The following APC variants were observed in gnomAD, a reference collection of about 807,000 sequenced individuals.
The protein encoded by APC is adenomatous polyposis coli protein.
Under a neutral mutation model 247.0 loss-of-function variants are expected in APC, and 72 were observed. The ratio of observed to expected loss-of-function variants is 0.29; its 90% CI spans 0.24 to 0.35. The LOEUF (loss-of-function observed/expected upper bound fraction) is 0.35, where lower values mean the gene tolerates loss of function less well. Ranked by LOEUF, APC falls within the 10% of genes least tolerant of loss-of-function variation. The pLI is 1.00. For synonymous variants in APC, 1,254 were observed against 1,162.5 expected, an observed-to-expected ratio of 1.08 and a Z score of -1.60; for missense variants, 3,400 against 3,360.7, an observed-to-expected ratio of 1.01 and a Z score of -0.29.
chr5:112,844,729 T>A lies in APC; in HGVS notation c.*603T>A, dbSNP rs1371979970. 1 of 231,928 alleles carries A rather than the reference T, an allele frequency of 4.3e-6. No individual in the cohort carries two copies. Among genetic ancestry groups the A allele is most frequent in the East Asian group, 6.1e-5 (1 of 16,318 alleles). The allele number at this position is 231,928 out of a possible 1,614,324, so 14.4% of individuals were successfully genotyped here. A position where few individuals can be genotyped will look rare whatever the true frequency, so the allele number is the denominator to read the frequency against. On this transcript the variant is annotated 3_prime_UTR_variant, in exon 16 of 16. Coordinates refer to ENST00000257430, the MANE Select transcript of APC (RefSeq NM_000038.6). ...GTCACATGATGTGCATAGAGATAGC[T>A]ACAGTGTAATAATTTACACTATTTT...
chr5:112,745,272 A>G (rs933574600), intron 1 of APC, among the ~76,000 whole-genome samples: 11 of 152,068 alleles, frequency 7.2e-5, no homozygotes, highest in East Asian at 1.9e-4. Flanking sequence ...CTAATAAGCA[A>G]TGTATCAATG....
Position 112,838,252 on chromosome 5 carries a change from G to A in APC, c.2658G>A (p.Gln886=), listed in dbSNP as rs587780593. 3.1e-6 allele frequency: 5 copies of A among 1,614,086 alleles called. No individual in the cohort carries two copies. Among genetic ancestry groups the A allele is most frequent in the South Asian group, 1.1e-5 (1 of 91,092 alleles). The change falls in exon 16 of 16, where the codon CAG becomes CAA. Residue 886 remains glutamine, a synonymous_variant. Transcript: ENST00000257430. The part of the protein sequence containing the change: ...RGLQISTTAA[Q]IAKVMEEVSA... The stretch of plus-strand genomic sequence containing the variant: ...TGCAGATCTCCACCACTGCAGCCCA[G>A]ATTGCCAAAGTCATGGAAGAAGTGT...
chr5:112,783,630 C>CAAAAAAAAAAA (rs563801773), intron 6 of APC: 1 of 80,328 alleles, frequency 1.2e-5, no homozygotes, highest in Non-Finnish European at 2.5e-5. Context: ...CTGCCTCTAC[C>CAAAAAAAAAAA]AAAAAAAAAA....
chr5:112,840,754 A>G lies in APC; in HGVS notation c.5160A>G (p.Glu1720=), dbSNP rs1580656897. 1 of 1,614,108 alleles carries G rather than the reference A, an allele frequency of 6.2e-7. No homozygotes were observed. The change falls in exon 16 of 16, where the codon GAA becomes GAG. Residue 1720 remains glutamate, a synonymous_variant. Transcript: ENST00000257430. The surrounding 1 kb of genome is among the most constrained non-coding windows in gnomAD (Gnocchi z 4.1). ...AATTGGATGACAATAAAGCAGAGGAAGGTGATATTCTTGCAGAATGCATTA... is the reference window on the plus strand; with the variant it reads ...AATTGGATGACAATAAAGCAGAGGAGGGTGATATTCTTGCAGAATGCATTA... ...IPELDDNKAE[E]GDILAECINS...
chr5:112,728,823 A>G (rs1271375423), intron 1 of APC, among the ~76,000 whole-genome samples: 1 of 152,206 alleles, frequency 6.6e-6, no homozygotes, highest in Non-Finnish European at 1.5e-5. Flanking sequence ...AGCCAGAACT[A>G]GAAACTGGTC....
intron 9 of APC, among the ~76,000 whole-genome samples, chr5:112,817,113 G>A (rs777985283): frequency 2.6e-5 from 4 of 151,962 alleles, no homozygotes; most frequent in Admixed American, 6.6e-5. Flanking sequence ...CAGGTGATGC[G>A]CTCATCTCTG....
At chr5:112,713,251 T>A (rs1037605684) in intron 1 of APC, among the ~76,000 whole-genome samples, 1 of 152,152 alleles carries the variant, frequency 6.6e-6, no homozygotes, top group Non-Finnish European at 1.5e-5. Context: ...GTGCTATGAT[T>A]TCATCAAGGA....
chr5:112,737,993 C>T, intron 1 of APC, 68 bp downstream of exon 1: 1 of 935,600 alleles, frequency 1.1e-6, no homozygotes, highest in Non-Finnish European at 1.3e-6. Context: ...TTCCCTCGCA[C>T]TGTCTTAAAC....
intron 1 of APC, among the ~76,000 whole-genome samples, chr5:112,739,322 C>G (rs1752708575): frequency 6.6e-6 from 1 of 152,140 alleles, no homozygotes; most frequent in South Asian, 2.1e-4. Flanking sequence ...ACTCCCTGAA[C>G]AAGGATGGCA....
rs201675099 is a variant in APC, at chr5:112,840,282, T to C, written c.4688T>C (p.Leu1563Pro). ...AEKTIDSEKD[L>P]LDDSDDDDIE... ...AAAACTATTGATTCTGAAAAGGACC[T>C]ATTAGATGATTCAGATGATGATGAT... The change falls in exon 16 of 16, where the codon CTA becomes CCA. Residue 1563 changes from leucine to proline, a missense_variant. Physicochemically the swap from Leu to Pro is moderately conservative, Grantham distance 98. Around this residue, in one of 9 missense-constraint regions of APC, gnomAD observed 1,788 missense variants for 1,649.5 expected, o/e 1.08. Coordinates refer to ENST00000257430, the MANE Select transcript of APC (RefSeq NM_000038.6). The surrounding 1 kb of genome is among the most constrained non-coding windows in gnomAD (Gnocchi z 4.1). 8.1e-6 allele frequency: 13 copies of C among 1,614,132 alleles called. No homozygotes were observed. Among genetic ancestry groups the C allele is most frequent in the Non-Finnish European group, 9.3e-6 (11 of 1,179,984 alleles).
At chr5:112,772,396 A>G (rs920112940) in intron 4 of APC, among the ~76,000 whole-genome samples, 2 of 152,090 alleles carry the variant, frequency 1.3e-5, no homozygotes, top group Non-Finnish European at 1.5e-5. Context: ...AGAGTATTTT[A>G]CTACAGGTTA....
chr5:112,806,383 A>C (rs1388328833), intron 8 of APC, among the ~76,000 whole-genome samples: 1 of 152,176 alleles, frequency 6.6e-6, no homozygotes, highest in Non-Finnish European at 1.5e-5. Flanking sequence ...ATAACAATAA[A>C]TATGTGGTGT....
intron 4 of APC, among the ~76,000 whole-genome samples, chr5:112,769,169 G>T (rs1172049727): frequency 6.9e-6 from 1 of 145,094 alleles, no homozygotes; most frequent in Non-Finnish European, 1.5e-5. Flanking sequence ...TCATGTCTCA[G>T]CCTCCCGGGT....
At chr5:112,753,280 A>G (rs899737714) in intron 1 of APC, among the ~76,000 whole-genome samples, 6 of 152,108 alleles carry the variant, frequency 3.9e-5, no homozygotes, top group African/African-American at 1.4e-4. Flanking sequence ...CTTTGGCTGC[A>G]TTACTTCTTC....
At position 112,799,866 on chromosome 5, in the gene APC, C is replaced by G. The variant is rs111827284; in HGVS notation, c.730-1413C>G. Among the ~76,000 whole-genome samples the G allele has an allele frequency of 4.9e-3, 745 of 152,122 alleles. 8 individuals are homozygous for G. Among genetic ancestry groups the G allele is most frequent in the African/African-American group, 0.017 (712 of 41,482 alleles). The stretch of plus-strand genomic sequence containing the variant: ...GTCCTCTGCATGTGATCTGTTTTAC[C>G]CAGAACACTCATCCTCTACTCCTCC... On this transcript the variant is annotated intron_variant, in intron 7 of 15. Transcript: ENST00000257430.
Position 112,721,306 on chromosome 5 carries a change from C to A in APC, c.165+13424C>A, listed in dbSNP as rs143511106. Among the ~76,000 whole-genome samples, 48 of 152,010 alleles carry A rather than the reference C, an allele frequency of 3.2e-4. 1 individual carries two copies. The East Asian group carries it at 8.9e-3, about 28-fold the overall frequency. ...GCGTGTGCCTGTAATCCCAGCTACT[C>A]GAGAGGCTGAGGCATGAGAATCACT... On this transcript the variant is annotated intron_variant, in intron 1 of 13. Coordinates refer to the APC transcript ENST00000507379.
chr5:112,807,024 T>C (rs1369515560), intron 8 of APC, among the ~76,000 whole-genome samples: 1 of 151,910 alleles, frequency 6.6e-6, no homozygotes, highest in Non-Finnish European at 1.5e-5. Context: ...TCCCAGCTAC[T>C]TGGGAGGCTG....
chr5:112,744,002 C>G (rs1385461649), intron 1 of APC, among the ~76,000 whole-genome samples: 2 of 152,048 alleles, frequency 1.3e-5, no homozygotes, highest in Non-Finnish European at 2.9e-5. Context: ...CCACAGCTGA[C>G]TAATTTTTAA....
chr5:112,832,869 A>T (rs1214601313), intron 14 of APC, among the ~76,000 whole-genome samples: 2 of 152,200 alleles, frequency 1.3e-5, no homozygotes, highest in African/African-American at 4.8e-5. Context: ...CAAATTGCTA[A>T]CACCTTCAAT....
Sources: gnomAD v4.1 joint callset for allele counts (sites outside exome capture counted in the v4.1 genomes callset) on GRCh38, gnomAD v4.1.1 for gene constraint, gnomAD v4.1.1 regional missense constraint, Gnocchi (gnomAD v3.1) non-coding constraint, MANE v1.5 for transcripts, NCBI Gene and HGNC (gene_info 2026-07-23, HGNC 2026-07-21) for gene names.